Variants in ZRANB3 observed in about 807,000 individuals in gnomAD.
ZRANB3 encodes DNA annealing helicase and endonuclease ZRANB3.
In ZRANB3, 125 loss-of-function variants were observed where a neutral mutation model predicts 133.8. The observed-to-expected ratio is 0.93, with a 90% CI of 0.81 to 1.08. The LOEUF is 1.08. Ranked by LOEUF, ZRANB3 falls within the 50% of genes least tolerant of loss-of-function variation. The pLI is 0.00. For missense variants in ZRANB3, 1,229 were observed against 1,275.5 expected, an observed-to-expected ratio of 0.96 and a Z score of 0.56; for synonymous variants, 387 against 432.7, an observed-to-expected ratio of 0.89 and a Z score of 1.31.
chr2:135,212,909 G>A (rs1291228031), intron 17 of ZRANB3, among the ~76,000 whole-genome samples: 6 of 152,156 alleles, frequency 3.9e-5, no homozygotes, highest in Admixed American at 3.9e-4. Flanking sequence ...AGTGAATTAG[G>A]CCTGCCTCTG....
intron 2 of ZRANB3, among the ~76,000 whole-genome samples, chr2:135,485,262 A>G (rs1483649129): frequency 1.3e-5 from 2 of 152,290 alleles, no homozygotes; most frequent in East Asian, 3.9e-4. Context: ...TGCAAAGTCA[A>G]GAATCCCTTC....
In ZRANB3 at chr2:135,222,154, C is replaced by T. The variant is rs564683756; in HGVS notation, c.2250+2272G>A. Among the ~76,000 whole-genome samples, 344 of 151,940 alleles carry T rather than the reference C, an allele frequency of 2.3e-3. 1 individual carries two copies. The highest frequency in any genetic ancestry group is 7.6e-3 in the African/African-American group (315 of 41,470). On this transcript the variant is annotated intron_variant, in intron 15 of 20. Transcript: ENST00000264159. ...GCGTGGTGGCTCACGTTTGTAATCC[C>T]AGCACTTTGGGAGGCTGAGGCAGGC...
At chr2:135,510,834 T>A (rs1232277690) in intron 1 of ZRANB3, 5 of 870,034 alleles carry the variant, frequency 5.7e-6, no homozygotes, top group Middle Eastern at 2.2e-4. Context: ...ACTGTTAATG[T>A]GCAACTCCAC....
Position 135,428,399 on chromosome 2 carries a change from C to T in ZRANB3, c.162-37579G>A, listed in dbSNP as rs553743504. ...CAAGATCGCGTCATTACACTCCAGC[C>T]TGGGTGACAGAGTGAGACTTTGTTT... On this transcript the variant is annotated intron_variant, in intron 2 of 20. Coordinates refer to ENST00000264159, the MANE Select transcript of ZRANB3 (RefSeq NM_032143.4). Among the ~76,000 whole-genome samples the T allele has an allele frequency of 4.9e-5, 7 of 143,522 alleles. 1 individual carries two copies. The South Asian group carries it at 1.5e-3, about 32-fold the overall frequency. 94.2% of individuals were successfully genotyped at this position (143,522 alleles called of 152,430 possible). A position where few individuals can be genotyped will look rare whatever the true frequency, so the allele number is the denominator to read the frequency against.
At chr2:135,331,443 C>T (rs941316071) in intron 6 of ZRANB3, among the ~76,000 whole-genome samples, 5 of 152,214 alleles carry the variant, frequency 3.3e-5, no homozygotes, top group African/African-American at 1.2e-4. Context: ...GTTGTGATTT[C>T]TTTTACATTT....
intron 1 of ZRANB3, among the ~76,000 whole-genome samples, chr2:135,520,803 GT>G (rs1053328002): frequency 4.1e-5 from 6 of 148,108 alleles, no homozygotes; most frequent in East Asian, 2.0e-4. Context: ...CAGGCTAATT[GT>G]TTTTTTTTTA....
At chr2:135,203,307 A>G (rs1170340941) in intron 19 of ZRANB3, among the ~76,000 whole-genome samples, 2 of 152,072 alleles carry the variant, frequency 1.3e-5, no homozygotes, top group African/African-American at 4.8e-5. Context: ...TAAGAAAAGA[A>G]TAAGAATAGA....
Position 135,403,140 on chromosome 2 carries a change from C to T in ZRANB3, c.162-12320G>A, listed in dbSNP as rs192468439. On this transcript the variant is annotated intron_variant, in intron 2 of 20. Transcript: ENST00000264159. ...TAGGTGCAGTGCACCCAGCAGGAGC[C>T]GAAGCTGGGTGAGGCATTGCCTCAC... Among the ~76,000 whole-genome samples the T allele has an allele frequency of 2.6e-3, 400 of 152,134 alleles. 1 individual carries two copies. Among genetic ancestry groups the T allele is most frequent in the African/African-American group, 8.7e-3 (363 of 41,514 alleles).
chr2:135,220,098 C>G (rs1324535520), intron 15 of ZRANB3, among the ~76,000 whole-genome samples: 1 of 151,830 alleles, frequency 6.6e-6, no homozygotes, highest in Admixed American at 6.6e-5. Context: ...GTCTCAAAAT[C>G]CTGGGCTCAA....
chr2:135,390,982 T>TC (rs1205609992), intron 2 of ZRANB3, among the ~76,000 whole-genome samples, 162 bp from the exon 3 acceptor site: 2 of 152,124 alleles, frequency 1.3e-5, no homozygotes, highest in East Asian at 3.9e-4. Flanking sequence ...TGCCTCAGCC[T>TC]CCTGAGTAGC....
intron 8 of ZRANB3, among the ~76,000 whole-genome samples, chr2:135,288,567 C>A (rs1419957630): frequency 1.3e-5 from 2 of 152,078 alleles, no homozygotes; most frequent in East Asian, 3.9e-4. Flanking sequence ...TTTTAAATTA[C>A]CATTTCAATC....
intron 6 of ZRANB3, among the ~76,000 whole-genome samples, chr2:135,323,972 T>C (rs932131431): frequency 3.3e-5 from 5 of 152,156 alleles, no homozygotes; most frequent in African/African-American, 1.2e-4. Flanking sequence ...TTTCGCCATG[T>C]TGGTCAGGCT....
chr2:135,207,644 T>C lies in ZRANB3; in HGVS notation c.2799A>G (p.Ser933=), dbSNP rs1390165631. 10 of 1,613,900 alleles carry C rather than the reference T, an allele frequency of 6.2e-6. No homozygotes were observed. Among genetic ancestry groups the C allele is most frequent in the Non-Finnish European group, 8.5e-6 (10 of 1,179,880 alleles). The change falls in exon 19 of 21, where the codon TCA becomes TCG. Residue 933 remains serine, a synonymous_variant. Transcript: ENST00000264159. Reference sequence around the variant, plus strand: ...CCTGACATTTCAGAGAGCAAAACCGTGAATCCCAAGAGTTCGCTTTACATG... The same window carrying C: ...CCTGACATTTCAGAGAGCAAAACCGCGAATCCCAAGAGTTCGCTTTACATG... The part of the protein sequence containing the change: ...KQACKANSWD[S]RFCSLKCQEE...
At chr2:135,354,291 G>A (rs1685334767) in intron 3 of ZRANB3, among the ~76,000 whole-genome samples, 1 of 152,144 alleles carries the variant, frequency 6.6e-6, no homozygotes, top group African/African-American at 2.4e-5. Flanking sequence ...ACTAGAGTAA[G>A]TCCTGAATGA....
intron 12 of ZRANB3, among the ~76,000 whole-genome samples, chr2:135,255,263 CACACACACACAG>C (rs1169558491): frequency 6.6e-6 from 1 of 151,932 alleles, no homozygotes; most frequent in Non-Finnish European, 1.5e-5. Context: ...AAACAACACA[CACACACACACAG>C]ACACACACAC....
chr2:135,325,366 C>G (rs1201584324), intron 6 of ZRANB3, among the ~76,000 whole-genome samples: 1 of 151,778 alleles, frequency 6.6e-6, no homozygotes, highest in Admixed American at 6.6e-5. Flanking sequence ...AGTGAATGTC[C>G]ACATAATAAA....
chr2:135,452,123 A>G (rs1028874869), intron 2 of ZRANB3, among the ~76,000 whole-genome samples: 1 of 152,180 alleles, frequency 6.6e-6, no homozygotes, highest in Non-Finnish European at 1.5e-5. Context: ...GGGGAGGCAA[A>G]AGGCACTTCT....
At chr2:135,480,347 C>A (rs1691721035) in intron 2 of ZRANB3, among the ~76,000 whole-genome samples, 1 of 152,012 alleles carries the variant, frequency 6.6e-6, no homozygotes, top group African/African-American at 2.4e-5. Context: ...AGTAAAACCA[C>A]CAGGTATTTT....
chr2:135,238,235 G>A (rs1695390447), intron 12 of ZRANB3, among the ~76,000 whole-genome samples: 1 of 152,154 alleles, frequency 6.6e-6, no homozygotes, highest in African/African-American at 2.4e-5. Flanking sequence ...TTCAATGATG[G>A]TCACACCAAT....
Sources: allele counts gnomAD v4.1 joint callset (sites outside exome capture counted in the v4.1 genomes callset), GRCh38; gene constraint gnomAD v4.1.1; transcripts MANE v1.5; gene names NCBI Gene and HGNC (gene_info 2026-07-23, HGNC 2026-07-21).